The following RYR2 variants were observed in gnomAD, a reference collection of about 807,000 sequenced individuals.
RYR2 encodes cardiac muscle ryanodine receptor-calcium release channel.
A neutral mutation model predicts 601.1 loss-of-function variants in RYR2; 227 were observed. That is an observed-to-expected ratio of 0.38 (90% CI 0.34 to 0.42). RYR2 has a LOEUF of 0.42. Among genes scored for constraint, RYR2 ranks in the 10% least tolerant of loss-of-function variants. The pLI, the probability that RYR2 is intolerant of heterozygous loss-of-function variation, is 1.00. For synonymous variants in RYR2, 2,223 were observed against 2,175.1 expected, an observed-to-expected ratio of 1.02 and a Z score of -0.61; for missense variants, 4,646 against 6,156.5, an observed-to-expected ratio of 0.75 and a Z score of 8.21.
intron 1 of RYR2, among the ~76,000 whole-genome samples, chr1:237,119,936 G>T (rs1670591054): frequency 6.6e-6 from 1 of 152,146 alleles, no homozygotes; most frequent in South Asian, 2.1e-4. Context: ...TTAGATTAAA[G>T]GACACAGCAA....
At chr1:237,341,278 T>C (rs1233970547) in intron 3 of RYR2, among the ~76,000 whole-genome samples, 1 of 152,206 alleles carries the variant, frequency 6.6e-6, no homozygotes, top group Admixed American at 6.5e-5. Context: ...GATTCAATCT[T>C]AATAAACTAT....
At chr1:237,752,212 G>A (rs1692591082) in intron 80 of RYR2, among the ~76,000 whole-genome samples, 1 of 152,122 alleles carries the variant, frequency 6.6e-6, no homozygotes, top group South Asian at 2.1e-4. Flanking sequence ...TATTTATTTA[G>A]AGGCAATGTC....
chr1:237,224,796 G>C (rs966313487), intron 1 of RYR2, among the ~76,000 whole-genome samples: 2 of 152,128 alleles, frequency 1.3e-5, no homozygotes, highest in South Asian at 4.1e-4. Flanking sequence ...GGAGTTGGAG[G>C]CTGCAGTGAA....
chr1:237,314,068 T>C (rs564898333), intron 2 of RYR2, among the ~76,000 whole-genome samples: 4 of 144,204 alleles, frequency 2.8e-5, no homozygotes, highest in East Asian at 4.0e-4. Flanking sequence ...AATTTCTTTT[T>C]TTTTTTTTTT....
intron 1 of RYR2, among the ~76,000 whole-genome samples, chr1:237,205,418 C>T (rs561979900): frequency 3.9e-5 from 6 of 152,282 alleles, no homozygotes; most frequent in African/African-American, 1.2e-4. Flanking sequence ...TTACAGCATC[C>T]TGGGACAGGT....
chr1:237,657,050 G>T (rs575600084), intron 53 of RYR2, among the ~76,000 whole-genome samples: 1 of 152,252 alleles, frequency 6.6e-6, no homozygotes, highest in East Asian at 1.9e-4. Context: ...TTTGGTGTTG[G>T]TTGATTAAAT....
At chr1:237,440,514 A>G (rs1214008220) in intron 12 of RYR2, among the ~76,000 whole-genome samples, 1 of 152,152 alleles carries the variant, frequency 6.6e-6, no homozygotes, top group Non-Finnish European at 1.5e-5. Context: ...TGGAAAGAGT[A>G]TGTTGGAGGA....
chr1:237,632,499 A>C (rs948532855), intron 42 of RYR2, among the ~76,000 whole-genome samples: 1 of 150,000 alleles, frequency 6.7e-6, no homozygotes, highest in Admixed American at 6.7e-5. Context: ...GGTTCACTAC[A>C]TTCTCCTTCC....
Position 237,649,940 on chromosome 1 carries a change from C to A in RYR2, c.7576C>A (p.Pro2526Thr), listed in dbSNP as rs1558141336. 1 of 1,613,774 alleles carries A rather than the reference C, an allele frequency of 6.2e-7. No individual in the cohort carries two copies. The highest frequency in any genetic ancestry group is 1.7e-5 in the Admixed American group (1 of 60,000). Reference sequence around the variant, plus strand: ...TCGGTACCTTTGCACAGCCGTCTTGCCATTGTTAACAAGATGTGCTCCTCT... The same window carrying A: ...TCGGTACCTTTGCACAGCCGTCTTGACATTGTTAACAAGATGTGCTCCTCT... ...LNRYLCTAVL[P>T]LLTRCAPLFA... Residue 2526 changes from proline (P) to threonine (T), a missense_variant, in exon 50 of 105, where the codon CCA (proline) becomes ACA (threonine). Coordinates refer to ENST00000366574, the MANE Select transcript of RYR2 (RefSeq NM_001035.3).
Position 237,710,086 on chromosome 1 carries a change from C to A in RYR2, c.10230+519C>A, listed in dbSNP as rs140918382. Among the ~76,000 whole-genome samples, 616 of 152,188 alleles carry A rather than the reference C, an allele frequency of 4.0e-3. 4 individuals carry two copies. The highest frequency in any genetic ancestry group is 0.014 in the African/African-American group (580 of 41,520). On this transcript the variant is annotated intron_variant, in intron 70 of 104. Transcript: ENST00000366574. Reference sequence around the variant, plus strand: ...TCCTGTTGATAGAATTTCTAAAGTACGTATTTGGTGAATTTTCACTATTTT... The same window carrying A: ...TCCTGTTGATAGAATTTCTAAAGTAAGTATTTGGTGAATTTTCACTATTTT...
intron 1 of RYR2, among the ~76,000 whole-genome samples, chr1:237,249,302 T>C (rs1231423790): frequency 6.6e-6 from 1 of 152,202 alleles, no homozygotes; most frequent in Non-Finnish European, 1.5e-5. Context: ...CTGTCTTCCA[T>C]GAGTCATACT....
chr1:237,044,423 C>G lies in RYR2; in HGVS notation c.48+1854C>G, dbSNP rs138683086. Among the ~76,000 whole-genome samples, 393 of 152,074 alleles carry G rather than the reference C, an allele frequency of 2.6e-3. 1 individual carries two copies. Among genetic ancestry groups the G allele is most frequent in the Non-Finnish European group, 3.4e-3 (233 of 67,982 alleles). The stretch of plus-strand genomic sequence containing the variant: ...TGTTATCAGAATGCTTAATGGGGAC[C>G]GAGGGAACGTGCTGGCTGATGAGGT... On this transcript the variant is annotated intron_variant, in intron 1 of 104. Transcript: ENST00000366574.
chr1:237,500,937 T>C, intron 21 of RYR2, 34 bp downstream of exon 21: 1 of 1,563,594 alleles, frequency 6.4e-7, no homozygotes, highest in East Asian at 2.2e-5. Context: ...TCTCTTTCCT[T>C]TCTCATTTCT....
At chr1:237,641,232 C>T (rs754588658) in intron 47 of RYR2, among the ~76,000 whole-genome samples, 9 of 152,106 alleles carry the variant, frequency 5.9e-5, no homozygotes, top group Admixed American at 1.3e-4. Flanking sequence ...ACTTAAGTTA[C>T]TCATATATCT....
chr1:237,677,408 G>A (rs1019658570), intron 60 of RYR2, among the ~76,000 whole-genome samples: 12 of 152,228 alleles, frequency 7.9e-5, no homozygotes, highest in Non-Finnish European at 1.2e-4. Flanking sequence ...CTTGACCTTG[G>A]TAAACCATGG....
rs189328829 is a variant in RYR2 at position 237,193,185 on chromosome 1, G to A, written c.49-77312G>A. ...AAAAGTACAAAAAAAAAAAAAGAAG[G>A]CCGGGTGCGGTGGCTCAAGTCTGTA... On this transcript the variant is annotated intron_variant, in intron 1 of 104. Transcript: ENST00000366574. Among the ~76,000 whole-genome samples the A allele has an allele frequency of 1.4e-4, 4 of 28,104 alleles. No homozygotes were observed. In the Admixed American group the frequency reaches 1.6e-3, roughly 11 times the overall value. 18.4% of individuals were successfully genotyped at this position (28,104 alleles called of 152,430 possible).
At chr1:237,070,535 T>G (rs150940630) in intron 1 of RYR2, among the ~76,000 whole-genome samples, 12 of 152,324 alleles carry the variant, frequency 7.9e-5, no homozygotes, top group African/African-American at 2.4e-4. Flanking sequence ...GGAACCTCTG[T>G]GGCCAGTGGT....
chr1:237,577,500 CTGTGTGTGTGTGTG>C lies in RYR2; in HGVS notation c.3598+8204_3598+8217del, dbSNP rs763937941. ...AAGAAGGAAGTAGGAGTGTGTGTTT[CTGTGTGTGTGTGTG>C]TGTGTGTGTGTGTGTGTGTGTGCGT... On this transcript the variant is annotated intron_variant, in intron 29 of 104. Coordinates refer to ENST00000366574, the MANE Select transcript of RYR2 (RefSeq NM_001035.3). Among the ~76,000 whole-genome samples, 372 of 113,862 alleles carry C rather than the reference CTGTGTGTGTGTGTG, an allele frequency of 3.3e-3. 3 individuals carry two copies. The highest frequency in any genetic ancestry group is 0.011 in the African/African-American group (354 of 31,386). 74.7% of individuals were successfully genotyped at this position (113,862 alleles called of 152,430 possible).
intron 89 of RYR2, among the ~76,000 whole-genome samples, chr1:237,783,037 T>TAG (rs1232938716): frequency 6.6e-6 from 1 of 152,212 alleles, no homozygotes; most frequent in Non-Finnish European, 1.5e-5. Flanking sequence ...TGTGATCCTG[T>TAG]AGTTCAGGAA....
Sources: gnomAD v4.1 joint callset for allele counts (sites outside exome capture counted in the v4.1 genomes callset) on GRCh38, gnomAD v4.1.1 for gene constraint, MANE v1.5 for transcripts, NCBI Gene and HGNC (gene_info 2026-07-23, HGNC 2026-07-21) for gene names.